Variants in NCAM1 observed in about 807,000 individuals in gnomAD.
NCAM1 encodes neural cell adhesion molecule 1.
NCAM1 carries 14 observed loss-of-function variants against 109.8 expected under a neutral mutation model. The observed-to-expected ratio is 0.13, with a 90% CI of 0.08 to 0.20. The LOEUF (loss-of-function observed/expected upper bound fraction) is 0.20. NCAM1 is among the 10% of genes least tolerant of loss of function. The pLI is 1.00. For missense variants in NCAM1, 774 were observed against 1,109.9 expected (o/e 0.70, Z 4.30); for synonymous variants, 418 against 442.9 (o/e 0.94, Z 0.70).
intron 1 of NCAM1, among the ~76,000 whole-genome samples, chr11:113,161,005 G>A (rs922872301): frequency 2.0e-5 from 3 of 152,144 alleles, no homozygotes; most frequent in Non-Finnish European, 4.4e-5. Flanking sequence ...GTTTGTGCAA[G>A]CTCCGTCACA....
intron 1 of NCAM1, among the ~76,000 whole-genome samples, chr11:113,021,563 G>A (rs1952385518): frequency 6.6e-6 from 1 of 152,036 alleles, no homozygotes; most frequent in African/African-American, 2.4e-5. Flanking sequence ...TAATTCCTGT[G>A]GATTTTTTCC....
In NCAM1 at chr11:113,151,323, G is replaced by A. The variant is rs150376870; in HGVS notation, c.53-51056G>A. Among the ~76,000 whole-genome samples the A allele has an allele frequency of 3.0e-3, 462 of 152,304 alleles. 2 individuals carry two copies. The highest frequency in any genetic ancestry group is 0.011 in the African/African-American group (443 of 41,578). On this transcript the variant is annotated intron_variant, in intron 1 of 19. Transcript: ENST00000316851. The stretch of plus-strand genomic sequence containing the variant: ...GTGGGACCCTTGTCAATTTTCAAAA[G>A]CCACAACCCAGTCAGGCAGCACATA...
At chr11:113,042,879 T>C (rs1196641352) in intron 1 of NCAM1, among the ~76,000 whole-genome samples, 1 of 152,152 alleles carries the variant, frequency 6.6e-6, no homozygotes, top group Non-Finnish European at 1.5e-5. Context: ...CCTCTCCTGC[T>C]CCAGAAAGTG....
chr11:113,051,197 T>A (rs1953473671), intron 1 of NCAM1, among the ~76,000 whole-genome samples: 1 of 152,234 alleles, frequency 6.6e-6, no homozygotes, highest in Non-Finnish European at 1.5e-5. Context: ...GAAGAACTGC[T>A]ACTATAGAGG....
Position 113,188,271 on chromosome 11 carries a change from G to A in NCAM1, c.53-14108G>A, listed in dbSNP as rs999845249. ...TTATCACCATCGTCTGTGGATGAAA[G>A]CCTGAAAGCCACACCTCATCCTCTA... On this transcript the variant is annotated intron_variant, in intron 1 of 19. Coordinates refer to ENST00000316851, the MANE Select transcript of NCAM1 (RefSeq NM_181351.5). Among the ~76,000 whole-genome samples the A allele has an allele frequency of 7.2e-5, 11 of 152,310 alleles. No individual in the cohort carries two copies. The South Asian group carries it at 2.3e-3, about 32-fold the overall frequency.
At chr11:113,223,867 T>C (rs1555115734) in intron 9 of NCAM1, among the ~76,000 whole-genome samples, 1 of 152,186 alleles carries the variant, frequency 6.6e-6, no homozygotes, top group African/African-American at 2.4e-5. Context: ...CCTGCAGGGA[T>C]GGCCCCATGC....
At chr11:113,126,016 G>A (rs1941158410) in intron 1 of NCAM1, among the ~76,000 whole-genome samples, 1 of 151,646 alleles carries the variant, frequency 6.6e-6, no homozygotes, top group Non-Finnish European at 1.5e-5. Context: ...AATTAGCCAG[G>A]TGTGGTGGTG....
At chr11:113,089,964 G>C (rs1381198900) in intron 1 of NCAM1, among the ~76,000 whole-genome samples, 5 of 152,122 alleles carry the variant, frequency 3.3e-5, no homozygotes, top group African/African-American at 9.7e-5. Context: ...AAATTTTTCA[G>C]TATATTCAAC....
At chr11:113,185,079 T>TATATATATATAGAGAG in intron 1 of NCAM1, among the ~76,000 whole-genome samples, 41 of 125,728 alleles carry the variant, frequency 3.3e-4, no homozygotes, top group Middle Eastern at 3.9e-3. Context: ...TATATATATA[T>TATATATATATAGAGAG]AGAGAGAGAG....
intron 1 of NCAM1, among the ~76,000 whole-genome samples, chr11:113,182,293 A>G (rs1943357382): frequency 1.3e-5 from 2 of 152,174 alleles, no homozygotes; most frequent in African/African-American, 4.8e-5. Context: ...GTAATGCATT[A>G]CAAAAGCACA....
At chr11:113,074,567 A>C (rs1282309664) in intron 1 of NCAM1, among the ~76,000 whole-genome samples, 2 of 152,208 alleles carry the variant, frequency 1.3e-5, no homozygotes, top group African/African-American at 4.8e-5. Flanking sequence ...CCCTTGTCAC[A>C]TGTGGCTTTT....
chr11:113,186,813 C>T (rs1185823436), intron 1 of NCAM1, among the ~76,000 whole-genome samples: 3 of 152,216 alleles, frequency 2.0e-5, no homozygotes, highest in Middle Eastern at 3.2e-3. Flanking sequence ...GAGCATGCAA[C>T]AGGATATTCA....
At position 113,205,625 on chromosome 11, in the gene NCAM1, T is replaced by C. The variant is rs1944213627; in HGVS notation, c.449T>C (p.Ile150Thr). The change falls in exon 4 of 20, where the codon ATC becomes ACC. Residue 150 changes from isoleucine to threonine, a missense_variant. Coordinates refer to ENST00000316851, the MANE Select transcript of NCAM1 (RefSeq NM_181351.5). ...GTCAGCTCCCTCCCACCAACCATCA[T>C]CTGGAAACACAAAGGCCGAGATGTC... ...DVVSSLPPTI[I>T]WKHKGRDVIL... The C allele has an allele frequency of 6.2e-7, 1 of 1,613,864 alleles. No homozygotes were observed. The highest frequency in any genetic ancestry group is 1.1e-5 in the South Asian group (1 of 91,064).
chr11:113,041,535 G>A (rs1488930746), intron 1 of NCAM1, among the ~76,000 whole-genome samples: 1 of 152,158 alleles, frequency 6.6e-6, no homozygotes, highest in Non-Finnish European at 1.5e-5. Context: ...TTATGTAATG[G>A]GGATGACTAT....
chr11:113,168,828 G>A (rs920176972), intron 1 of NCAM1, among the ~76,000 whole-genome samples: 1 of 152,186 alleles, frequency 6.6e-6, no homozygotes, highest in Non-Finnish European at 1.5e-5. Context: ...TTTAGCTTGT[G>A]TGGGGTTGGG....
intron 1 of NCAM1, among the ~76,000 whole-genome samples, chr11:113,051,475 T>C (rs1555081770): frequency 6.6e-6 from 1 of 151,972 alleles, no homozygotes; most frequent in Non-Finnish European, 1.5e-5. Flanking sequence ...TTGTAGAAAA[T>C]TTACAAACAC....
intron 5 of NCAM1, 102 bp from the exon 6 acceptor site, chr11:113,207,159 C>A: frequency 1.2e-6 from 1 of 846,972 alleles, no homozygotes; most frequent in Non-Finnish European, 1.9e-6. Flanking sequence ...GACGTTTGTC[C>A]CACAGGCTGA....
chr11:113,069,386 C>G (rs1938151499), intron 1 of NCAM1, among the ~76,000 whole-genome samples: 1 of 152,108 alleles, frequency 6.6e-6, no homozygotes, highest in South Asian at 2.1e-4. Flanking sequence ...GAAGTGGAGG[C>G]AAGAGCAGAC....
At chr11:113,021,234 A>G (rs1293438106) in intron 1 of NCAM1, among the ~76,000 whole-genome samples, 2 of 152,184 alleles carry the variant, frequency 1.3e-5, no homozygotes, top group Non-Finnish European at 2.9e-5. Flanking sequence ...GAATCAGATC[A>G]TCACTGCAAA....
Sources: allele counts gnomAD v4.1 joint callset (sites outside exome capture counted in the v4.1 genomes callset), GRCh38; gene constraint gnomAD v4.1.1; transcripts MANE v1.5; gene names NCBI Gene and HGNC (gene_info 2026-07-23, HGNC 2026-07-21).